Variants in SLC7A13 observed in about 807,000 individuals in gnomAD.
The protein encoded by SLC7A13 is solute carrier family 7 member 13.
In SLC7A13, 31 loss-of-function variants were observed where a neutral mutation model predicts 32.0. That is an observed-to-expected ratio of 0.97 (90% CI 0.73 to 1.31). SLC7A13 has a LOEUF of 1.31. SLC7A13 is among the 50% of genes most tolerant of loss of function. The pLI is 0.00. For missense variants in SLC7A13, 633 were observed against 546.9 expected, an observed-to-expected ratio of 1.16 and a Z score of -1.57; for synonymous variants, 232 against 206.9, an observed-to-expected ratio of 1.12 and a Z score of -1.04.
chr8:86,220,410 G>C (rs904928624), intron 2 of SLC7A13, among the ~76,000 whole-genome samples: 1 of 152,016 alleles, frequency 6.6e-6, no homozygotes, highest in African/African-American at 2.4e-5. Flanking sequence ...CATAATAAAG[G>C]CTATTTTATT....
At chr8:86,221,868 G>T (rs1350696793) in intron 2 of SLC7A13, among the ~76,000 whole-genome samples, 1 of 152,104 alleles carries the variant, frequency 6.6e-6, no homozygotes, top group Non-Finnish European at 1.5e-5. Flanking sequence ...CAGCTTCAAT[G>T]AACCGTAACA....
At chr8:86,220,387 T>C (rs1484465899) in intron 2 of SLC7A13, among the ~76,000 whole-genome samples, 1 of 152,140 alleles carries the variant, frequency 6.6e-6, no homozygotes, top group Admixed American at 6.6e-5. Flanking sequence ...CCTTCTCAGT[T>C]GTGAAACTTA....
At chr8:86,224,030 G>A (rs375956209) in intron 1 of SLC7A13, among the ~76,000 whole-genome samples, 131 of 152,242 alleles carry the variant, frequency 8.6e-4, no homozygotes, top group Admixed American at 2.4e-3. Context: ...TGGATAGTGG[G>A]AATACAATGG....
At chr8:86,224,882 T>C (rs1352254381) in intron 1 of SLC7A13, among the ~76,000 whole-genome samples, 1 of 152,046 alleles carries the variant, frequency 6.6e-6, no homozygotes, top group Non-Finnish European at 1.5e-5. Context: ...AACTTCCCTA[T>C]TTTTTTCATA....
chr8:86,215,100 T>C (rs1307419266), intron 3 of SLC7A13, among the ~76,000 whole-genome samples: 1 of 152,082 alleles, frequency 6.6e-6, no homozygotes, highest in African/African-American at 2.4e-5. Context: ...TGTAACTTTA[T>C]AGGCTCAGCA....
chr8:86,215,516 T>C (rs1175838362), intron 3 of SLC7A13: 2 of 295,988 alleles, frequency 6.8e-6, no homozygotes, highest in African/African-American at 2.3e-5. Context: ...TGAAACACCG[T>C]CTCTACTAAA....
At chr8:86,222,910 A>T in intron 2 of SLC7A13, 62 bp downstream of exon 2, 1 of 1,450,852 alleles carries the variant, frequency 6.9e-7, no homozygotes, top group South Asian at 1.6e-5. Context: ...TGACTGGTGA[A>T]ATGATAGTTA....
rs138243404 is a variant in SLC7A13 at position 86,222,581 on chromosome 8, A to C, written c.817+391T>G. Among the ~76,000 whole-genome samples, 303 of 152,266 alleles carry C rather than the reference A, an allele frequency of 2.0e-3. 3 individuals are homozygous for C. Among genetic ancestry groups the C allele is most frequent in the African/African-American group, 6.8e-3 (284 of 41,578 alleles). On this transcript the variant is annotated intron_variant, in intron 2 of 3. Transcript: ENST00000297524. Reference sequence around the variant, plus strand: ...ACTCTTTTAACTGCCAATATTCTACACTTCGAATTGATCATTTTTTGTGAC... The same window carrying C: ...ACTCTTTTAACTGCCAATATTCTACCCTTCGAATTGATCATTTTTTGTGAC...
rs1306976620 is a variant in SLC7A13 at position 86,217,729 on chromosome 8, A to C, written c.920T>G (p.Ile307Arg). ...ATATATTGGTCTCGATGATTTAAAT[A>C]TAGAAATCAGAAGGTTGCTAAATAA... ...TSLFSNLLIS[I>R]FKSSRPIYLA... Residue 307 changes from isoleucine (I) to arginine (R), a missense_variant, in exon 3 of 4, where the codon ATA becomes AGA. Physicochemically the swap from Ile to Arg is moderately conservative, Grantham distance 97 (BLOSUM62 -3). Transcript: ENST00000297524. 2 of 1,613,352 alleles carry C rather than the reference A, an allele frequency of 1.2e-6. No individual in the cohort carries two copies. Among genetic ancestry groups the C allele is most frequent in the Non-Finnish European group, 1.7e-6 (2 of 1,179,628 alleles).
Position 86,229,726 on chromosome 8 carries a change from T to C in SLC7A13, c.552A>G (p.Arg184=). ...ISLTGVVFLI[R]GKKENVERFQ... is the part of the protein sequence containing the mutation. ...ATCGTTCTACATTCTCCTTTTTCCCTCTTATCAGGAACACTACTCCAGTTA... is the reference window on the plus strand; with the variant it reads ...ATCGTTCTACATTCTCCTTTTTCCCCCTTATCAGGAACACTACTCCAGTTA... The change falls in exon 1 of 4, where the codon AGA becomes AGG. Residue 184 remains arginine (R), a synonymous_variant. Transcript: ENST00000297524. The C allele has an allele frequency of 6.2e-7, 1 of 1,614,184 alleles. No individual in the cohort carries two copies. Among genetic ancestry groups the C allele is most frequent in the Non-Finnish European group, 8.5e-7 (1 of 1,180,030 alleles).
At chr8:86,220,297 G>T (rs942328850) in intron 2 of SLC7A13, among the ~76,000 whole-genome samples, 2 of 152,088 alleles carry the variant, frequency 1.3e-5, no homozygotes, top group Non-Finnish European at 2.9e-5. Flanking sequence ...TAGGAACAAT[G>T]AAATCCTCAG....
Position 86,217,513 on chromosome 8 carries a change from A to G in SLC7A13, c.1136T>C (p.Leu379Pro). The G allele has an allele frequency of 1.2e-6, 2 of 1,602,156 alleles. No individual in the cohort carries two copies. Among genetic ancestry groups the G allele is most frequent in the Non-Finnish European group, 8.5e-7 (1 of 1,175,860 alleles). The change falls in exon 3 of 4, where the codon CTA (leucine) becomes CCA (proline). Residue 379 changes from leucine to proline, a missense_variant. Coordinates refer to ENST00000297524, the MANE Select transcript of SLC7A13 (RefSeq NM_138817.3). ...LWSILLMIGI[L>P]RRRYQEPNLS... The stretch of plus-strand genomic sequence containing the variant: ...ATTGGGTTCCTGGTATCTCCGCCTT[A>G]GTATTCCTATCATTAATAATATAGA...
chr8:86,217,217 A>C (rs1820198094), intron 3 of SLC7A13, among the ~76,000 whole-genome samples: 1 of 152,174 alleles, frequency 6.6e-6, no homozygotes, highest in Non-Finnish European at 1.5e-5. Context: ...AAGACTCATA[A>C]TGATCTGTCC....
chr8:86,228,430 A>G (rs1160010335), intron 1 of SLC7A13, among the ~76,000 whole-genome samples: 1 of 152,170 alleles, frequency 6.6e-6, no homozygotes, highest in Non-Finnish European at 1.5e-5. Context: ...ACTGGAGTGC[A>G]GTGGTGCAAT....
intron 2 of SLC7A13, among the ~76,000 whole-genome samples, chr8:86,218,795 A>G (rs1820239604): frequency 6.6e-6 from 1 of 152,042 alleles, no homozygotes; most frequent in Non-Finnish European, 1.5e-5. Flanking sequence ...ATGTGGATAT[A>G]TGCTAGGACA....
intron 3 of SLC7A13, chr8:86,215,704 G>C (rs773255702): frequency 6.5e-5 from 29 of 444,748 alleles, no homozygotes; most frequent in Middle Eastern, 3.4e-4. Context: ...TCAAAAAAAA[G>C]AAAAAACAAA....
intron 1 of SLC7A13, among the ~76,000 whole-genome samples, chr8:86,225,878 C>CTA (rs1820382291): frequency 6.6e-6 from 1 of 152,106 alleles, no homozygotes. Context: ...CTGCAGTGAA[C>CTA]TATGATTGCA....
intron 2 of SLC7A13, among the ~76,000 whole-genome samples, chr8:86,220,926 G>A (rs537174354): frequency 2.0e-5 from 3 of 151,336 alleles, no homozygotes; most frequent in South Asian, 2.1e-4. Context: ...CCTGGGAAGT[G>A]GAGGTTGCAG....
In SLC7A13 at chr8:86,230,283, T is replaced by G. The variant is rs368596442; in HGVS notation, c.-6A>C. The G allele has an allele frequency of 6.5e-7, 1 of 1,538,072 alleles. No homozygotes were observed. The highest frequency in any genetic ancestry group is 1.4e-5 in the African/African-American group (1 of 71,970). On this transcript the variant is annotated 5_prime_UTR_variant, in exon 1 of 4. Transcript: ENST00000297524. Reference sequence around the variant, plus strand: ...ATTTTCTCCCCTCTATCCATTGTAATTGAAGAGTTTTAAAATTCTATATAA... The same window carrying G: ...ATTTTCTCCCCTCTATCCATTGTAAGTGAAGAGTTTTAAAATTCTATATAA...
Sources: gnomAD v4.1 joint callset for allele counts (sites outside exome capture counted in the v4.1 genomes callset) on GRCh38, gnomAD v4.1.1 for gene constraint, MANE v1.5 for transcripts, NCBI Gene and HGNC (gene_info 2026-07-23, HGNC 2026-07-21) for gene names.